PHF14: variants seen among roughly 807,000 people sequenced by gnomAD.
The protein encoded by PHF14 is PHD finger protein 14.
In PHF14, 55 loss-of-function variants were observed where a neutral mutation model predicts 117.9. The ratio of observed to expected loss-of-function variants is 0.47; its 90% CI spans 0.38 to 0.58. The LOEUF is 0.58. PHF14 is among the 20% of genes least tolerant of loss of function. PHF14 has a pLI of 0.00. For missense variants in PHF14, 978 were observed against 1,122.2 expected, an observed-to-expected ratio of 0.87 and a Z score of 1.84; for synonymous variants, 409 against 368.6, an observed-to-expected ratio of 1.11 and a Z score of -1.26.
At chr7:11,119,433 G>T (rs1435396185) in intron 17 of PHF14, among the ~76,000 whole-genome samples, 2 of 151,762 alleles carry the variant, frequency 1.3e-5, no homozygotes, top group African/African-American at 4.8e-5. Context: ...CAGAAGTGGT[G>T]TGGAATATAT....
intron 2 of PHF14, among the ~76,000 whole-genome samples, chr7:10,975,541 A>G (rs183422466): frequency 7.5e-4 from 114 of 152,274 alleles, no homozygotes; most frequent in African/African-American, 2.7e-3. Flanking sequence ...GTATATTCAC[A>G]TTGTACTAAA....
chr7:11,038,679 A>T, intron 10 of PHF14, 81 bp from the exon 11 acceptor site: 1 of 428,362 alleles, frequency 2.3e-6, no homozygotes, highest in Non-Finnish European at 4.0e-6. Context: ...AATTATATAT[A>T]TATATGTGGA....
chr7:11,058,772 T>C (rs1302032385), intron 14 of PHF14, among the ~76,000 whole-genome samples: 1 of 152,198 alleles, frequency 6.6e-6, no homozygotes, highest in Non-Finnish European at 1.5e-5. Context: ...GATTAAAGTA[T>C]TAATCTTGGA....
At chr7:10,991,779 G>C (rs80095790) in intron 4 of PHF14, among the ~76,000 whole-genome samples, 1 of 35,350 alleles carries the variant, frequency 2.8e-5, no homozygotes, top group Non-Finnish European at 5.7e-5. Flanking sequence ...TTTTTTTTTG[G>C]TAGAGACAGG....
intron 17 of PHF14, among the ~76,000 whole-genome samples, chr7:11,155,963 A>G (rs1384059201): frequency 2.0e-5 from 3 of 152,124 alleles, no homozygotes; most frequent in Non-Finnish European, 4.4e-5. Flanking sequence ...ATTGGGAAAA[A>G]CTTTATACTT....
Position 11,007,357 on chromosome 7 carries a change from T to G in PHF14, c.1046-6390T>G, listed in dbSNP as rs146699735. Among the ~76,000 whole-genome samples, 753 of 152,214 alleles carry G rather than the reference T, an allele frequency of 4.9e-3. 7 individuals are homozygous for G. Among genetic ancestry groups the G allele is most frequent in the Non-Finnish European group, 7.9e-3 (538 of 67,980 alleles). ...ATGTTTTCCATCCTGTTCTGTATCC[T>G]TTAACTTTGTGATTTTTTATTGTTT... On this transcript the variant is annotated intron_variant, in intron 4 of 17. Coordinates refer to ENST00000634607, the MANE Select transcript of PHF14 (RefSeq NM_001007157.2).
chr7:11,036,871 C>G (rs553096053), intron 9 of PHF14, 114 bp from the exon 10 acceptor site: 1 of 958,358 alleles, frequency 1.0e-6, no homozygotes, highest in Admixed American at 2.9e-5. Flanking sequence ...TGTAAATATA[C>G]TTAAAAGTTT....
chr7:10,973,944 A>G lies in PHF14; in HGVS notation c.-380A>G, dbSNP rs112847887. Reference sequence around the variant, plus strand: ...GAGGCAGCCGCCCTCGCGCTGTGCAATTTCTGGTCTTTCGTTGCTTCTGGT... The same window carrying G: ...GAGGCAGCCGCCCTCGCGCTGTGCAGTTTCTGGTCTTTCGTTGCTTCTGGT... On this transcript the variant is annotated 5_prime_UTR_variant, in exon 1 of 18. Transcript: ENST00000634607. 2.7e-3 allele frequency: 545 copies of G among 200,312 alleles called. 1 individual carries two copies. The highest frequency in any genetic ancestry group is 0.012 in the African/African-American group (521 of 42,454). The allele number at this position is 200,312 out of a possible 1,614,324, so 12.4% of individuals were successfully genotyped here. A position where few individuals can be genotyped will look rare whatever the true frequency, so the allele number is the denominator to read the frequency against.
At chr7:11,163,946 G>GT (rs959782399) in intron 17 of PHF14, among the ~76,000 whole-genome samples, 7 of 152,052 alleles carry the variant, frequency 4.6e-5, no homozygotes, top group Non-Finnish European at 1.0e-4. Flanking sequence ...GTGTCTACAT[G>GT]TTTTTTCCCT....
chr7:11,042,731 T>C lies in PHF14; in HGVS notation c.2229T>C (p.Cys743=), dbSNP rs1450818131. The change falls in exon 13 of 18, where the codon TGT becomes TGC. Residue 743 remains cysteine (C), a synonymous_variant. Coordinates refer to ENST00000634607, the MANE Select transcript of PHF14 (RefSeq NM_001007157.2). ...KNHDQHLLLL[C]DTCKLHYHLG... is the part of the protein sequence containing the mutation. ...ATGATCAGCATCTTCTTTTATTGTG[T>C]GATACCTGTAAACTACATTACCATC... 1.9e-6 allele frequency: 3 copies of C among 1,595,620 alleles called. No homozygotes were observed. Among genetic ancestry groups the C allele is most frequent in the Non-Finnish European group, 2.6e-6 (3 of 1,168,186 alleles).
intron 17 of PHF14, among the ~76,000 whole-genome samples, chr7:11,131,628 T>C (rs1365610866): frequency 6.6e-6 from 1 of 151,964 alleles, no homozygotes; most frequent in Non-Finnish European, 1.5e-5. Context: ...GTAGAAGTTT[T>C]TAATGTTAAT....
intron 17 of PHF14, among the ~76,000 whole-genome samples, chr7:11,154,119 A>C (rs1788778723): frequency 6.6e-6 from 1 of 152,280 alleles, no homozygotes; most frequent in African/African-American, 2.4e-5. Context: ...TAACCAGGTT[A>C]TTTATATGGA....
intron 2 of PHF14, among the ~76,000 whole-genome samples, chr7:10,976,774 T>C (rs984987593): frequency 2.6e-5 from 4 of 151,240 alleles, no homozygotes; most frequent in South Asian, 4.2e-4. Flanking sequence ...TAGGTTGATA[T>C]ATCTATATAT....
chr7:11,127,536 C>T lies in PHF14; in HGVS notation c.2772+16069C>T, dbSNP rs181308980. On this transcript the variant is annotated intron_variant, in intron 17 of 17. Coordinates refer to ENST00000634607, the MANE Select transcript of PHF14 (RefSeq NM_001007157.2). ...ACTGCAGCCATGCATCTTTGCTTTG[C>T]TACTACAGACAGACAGGCATGTATC... Among the ~76,000 whole-genome samples, 6 of 152,198 alleles carry T rather than the reference C, an allele frequency of 3.9e-5. No individual in the cohort carries two copies. The East Asian group carries it at 1.2e-3, about 29-fold the overall frequency.
Position 11,022,855 on chromosome 7 carries a change from CT to C in PHF14, c.1206-11del. 1 of 1,444,528 alleles carries C rather than the reference CT, an allele frequency of 6.9e-7. No individual in the cohort carries two copies. Among genetic ancestry groups the C allele is most frequent in the East Asian group, 2.3e-5 (1 of 42,810 alleles). The allele number at this position is 1,444,528 out of a possible 1,614,324, so 89.5% of individuals were successfully genotyped here. On this transcript the variant is annotated splice_polypyrimidine_tract_variant and intron_variant, in intron 5 of 17. Transcript: ENST00000634607. ...AAAAGATTTGATAGCAAAATCATAT[CT>C]TCTCTTCTTAGATGGGTTCATATTG...
At chr7:11,070,362 G>A (rs754988802) in intron 16 of PHF14, among the ~76,000 whole-genome samples, 4 of 152,206 alleles carry the variant, frequency 2.6e-5, no homozygotes, top group Non-Finnish European at 5.9e-5. Context: ...ACAGGCATGA[G>A]CCGCTGTACC....
At chr7:11,124,380 A>G (rs767613882) in intron 17 of PHF14, among the ~76,000 whole-genome samples, 4 of 152,098 alleles carry the variant, frequency 2.6e-5, no homozygotes, top group African/African-American at 4.8e-5. Context: ...TACATAATCT[A>G]TTTTTAAGTG....
At chr7:11,089,768 T>G (rs2128338454) in intron 16 of PHF14, among the ~76,000 whole-genome samples, 1 of 144,052 alleles carries the variant, frequency 6.9e-6, no homozygotes, top group African/African-American at 2.5e-5. Flanking sequence ...ATTCTTTTTT[T>G]TTTTTTTTTT....
intron 17 of PHF14, among the ~76,000 whole-genome samples, chr7:11,160,442 ATAG>A (rs1788990835): frequency 6.6e-6 from 1 of 152,180 alleles, no homozygotes; most frequent in Non-Finnish European, 1.5e-5. Context: ...GATGGATCTA[ATAG>A]TAGTTCTGTT....
Sources: allele counts gnomAD v4.1 joint callset (sites outside exome capture counted in the v4.1 genomes callset), GRCh38; gene constraint gnomAD v4.1.1; transcripts MANE v1.5; gene names NCBI Gene and HGNC (gene_info 2026-07-23, HGNC 2026-07-21).